PDZD4: variants seen among roughly 807,000 people sequenced by gnomAD.
PDZD4 encodes PDZ domain-containing protein 4.
Under a neutral mutation model 38.5 loss-of-function variants are expected in PDZD4, and 9 were observed. The observed-to-expected ratio is 0.23, with a 90% CI of 0.14 to 0.41. The LOEUF (loss-of-function observed/expected upper bound fraction) is 0.41, where lower values mean the gene tolerates loss of function less well. Among genes scored for constraint, PDZD4 ranks in the 10% least tolerant of loss-of-function variants. The pLI is 1.00. For synonymous variants in PDZD4, 349 were observed against 315.7 expected, an observed-to-expected ratio of 1.11 and a Z score of -1.12; for missense variants, 612 against 722.0, an observed-to-expected ratio of 0.85 and a Z score of 1.75.
At chrX:153,806,000 C>T (rs970582576) in intron 5 of PDZD4, 71 bp downstream of exon 5, 3 of 1,110,818 alleles carry the variant, frequency 2.7e-6, no homozygotes, top group African/African-American at 3.6e-5. Flanking sequence ...TAGGGACTGG[C>T]TAAAGAGAGG....
At chrX:153,826,642 G>C (rs113986307) in intron 1 of PDZD4, among the ~76,000 whole-genome samples, 1,121 of 111,277 alleles carry the variant, frequency 0.01, 18 homozygotes, top group African/African-American at 0.035. Context: ...GAACTCCTAA[G>C]CACAGGTGAG....
chrX:153,829,544 A>T, intron 1 of PDZD4: 1 of 178,510 alleles, frequency 5.6e-6, no homozygotes, highest in Non-Finnish European at 8.9e-6. Flanking sequence ...GAACGCACTC[A>T]CGTAGTCACG....
chrX:153,819,853 G>A (rs782016394), intron 1 of PDZD4, among the ~76,000 whole-genome samples: 11 of 111,830 alleles, frequency 9.8e-5, no homozygotes, highest in Non-Finnish European at 1.9e-4. Flanking sequence ...CCACAAGCAT[G>A]TGGGAACATC....
At chrX:153,806,437 C>T (rs1206772721) in intron 4 of PDZD4, among the ~76,000 whole-genome samples, 3 of 112,575 alleles carry the variant, frequency 2.7e-5, no homozygotes, top group Non-Finnish European at 3.8e-5. Flanking sequence ...GGGAGGGGAG[C>T]GAGGGGCCAT....
intron 1 of PDZD4, among the ~76,000 whole-genome samples, chrX:153,824,210 G>A (rs1253380284): frequency 9.0e-6 from 1 of 111,504 alleles, no homozygotes; most frequent in African/African-American, 3.3e-5. Flanking sequence ...AGACTGGACA[G>A]TCCTCAGGAA....
At position 153,830,392 on chromosome X, in the gene PDZD4, G is replaced by A. The variant is rs782732938; in HGVS notation, c.-94C>T. On this transcript the variant is annotated 5_prime_UTR_variant, in exon 1 of 8. Coordinates refer to ENST00000393758, the MANE Select transcript of PDZD4 (RefSeq NM_001303512.2). ...ACCTCGGGTCCCGGGCCGGGGCCAG[G>A]GGCCATACCCTGGCGCGGGGGGCGG... 62 of 840,647 alleles carry A rather than the reference G, an allele frequency of 7.4e-5. No homozygotes were observed. The Admixed American group carries it at 1.5e-3, about 21-fold the overall frequency. The allele number at this position is 840,647 out of a possible 1,213,427, so 69.3% of individuals were successfully genotyped here.
chrX:153,811,866 AGGGACATGAT>A (rs2064313231), intron 1 of PDZD4, among the ~76,000 whole-genome samples: 1 of 112,076 alleles, frequency 8.9e-6, no homozygotes, highest in African/African-American at 3.2e-5. Context: ...CTGTAGACAA[AGGGACATGAT>A]GGAATGGCCT....
chrX:153,807,591 G>A (rs929526661), intron 2 of PDZD4, among the ~76,000 whole-genome samples: 6 of 113,055 alleles, frequency 5.3e-5, no homozygotes, highest in African/African-American at 9.6e-5. Flanking sequence ...CAGCGTCCAC[G>A]CAGAGGACCT....
Position 153,803,939 on chromosome X carries a change from C to T in PDZD4, c.1742G>A (p.Gly581Asp), listed in dbSNP as rs782497016. Residue 581 changes from glycine to aspartate, a missense_variant, in exon 8 of 8, where the codon GGC (glycine) becomes GAC (aspartate). Around this residue, in one of 3 missense-constraint regions of PDZD4, gnomAD observed 300 missense variants for 284.6 expected, o/e 1.05. Transcript: ENST00000393758. ...GCTGTGGTAGTGCTCGCCCTCCTGG[C>T]CCTGGCCGCGGTGGCGCCGCGAGAG... ...PYLSRRHRGQ[G>D]QEGEHYHSCV... 5.1e-6 allele frequency: 6 copies of T among 1,167,879 alleles called. No homozygotes were observed. Among genetic ancestry groups the T allele is most frequent in the Non-Finnish European group, 5.7e-6 (5 of 875,109 alleles).
rs2064530304 is a variant in PDZD4, at chrX:153,830,366, G to A, written c.-68C>T. On this transcript the variant is annotated 5_prime_UTR_variant, in exon 1 of 8. Transcript: ENST00000393758. Reference sequence around the variant, plus strand: ...ACGCCTTTCACTGACCCGGGCGCGGGACCTCGGGTCCCGGGCCGGGGCCAG... The same window carrying A: ...ACGCCTTTCACTGACCCGGGCGCGGAACCTCGGGTCCCGGGCCGGGGCCAG... 2.8e-6 allele frequency: 3 copies of A among 1,069,492 alleles called. No individual in the cohort carries two copies. In the Admixed American group the frequency reaches 6.9e-5, roughly 24 times the overall value. 88.1% of individuals were successfully genotyped at this position (1,069,492 alleles called of 1,213,427 possible).
chrX:153,817,991 G>C (rs1470158070), intron 1 of PDZD4, among the ~76,000 whole-genome samples: 1 of 112,384 alleles, frequency 8.9e-6, no homozygotes, highest in Non-Finnish European at 1.9e-5. Flanking sequence ...CAAGCCTGTA[G>C]TCCCAGCACT....
intron 1 of PDZD4, chrX:153,829,890 C>A: frequency 1.2e-6 from 1 of 809,406 alleles, no homozygotes; most frequent in Non-Finnish European, 1.5e-6. Context: ...TTCGGCGCCC[C>A]CCGCACGGCG....
At chrX:153,828,396 A>G (rs1236722580) in intron 1 of PDZD4, among the ~76,000 whole-genome samples, 1 of 112,958 alleles carries the variant, frequency 8.9e-6, no homozygotes, top group Non-Finnish European at 1.9e-5. Flanking sequence ...CCAAACTCCC[A>G]CGGTTTCAAA....
chrX:153,821,286 A>G (rs1756059564), intron 1 of PDZD4, among the ~76,000 whole-genome samples: 1 of 110,447 alleles, frequency 9.1e-6, no homozygotes, highest in South Asian at 3.9e-4. Flanking sequence ...AGACATGTAT[A>G]CCGGTAGGGG....
intron 5 of PDZD4, 141 bp from the exon 6 acceptor site, chrX:153,805,747 A>G: frequency 1.9e-6 from 1 of 514,618 alleles, no homozygotes; most frequent in Non-Finnish European, 3.4e-6. Flanking sequence ...AACTAAGTGG[A>G]AGGTACCAGG....
chrX:153,826,085 T>C (rs938968802), intron 1 of PDZD4, among the ~76,000 whole-genome samples: 3 of 109,232 alleles, frequency 2.7e-5, no homozygotes, highest in Non-Finnish European at 5.7e-5. Flanking sequence ...GGTGTGGTAG[T>C]GTGTGCCTGT....
At chrX:153,807,590 C>T (rs1372782575) in intron 2 of PDZD4, among the ~76,000 whole-genome samples, 4 of 113,319 alleles carry the variant, frequency 3.5e-5, no homozygotes, top group South Asian at 7.1e-4. Context: ...GCAGCGTCCA[C>T]GCAGAGGACC....
chrX:153,825,043 G>A (rs1557082236), intron 1 of PDZD4, among the ~76,000 whole-genome samples: 1 of 112,571 alleles, frequency 8.9e-6, no homozygotes, highest in East Asian at 2.8e-4. Context: ...TGGGGGAGGG[G>A]CAAGGCCCTG....
chrX:153,824,287 G>C (rs2064457366), intron 1 of PDZD4, among the ~76,000 whole-genome samples: 1 of 110,994 alleles, frequency 9.0e-6, no homozygotes, highest in Non-Finnish European at 1.9e-5. Context: ...GGATGACCTG[G>C]TCCAGAAGAT....
Sources: gnomAD v4.1 joint callset for allele counts (sites outside exome capture counted in the v4.1 genomes callset) on GRCh38, gnomAD v4.1.1 for gene constraint, gnomAD v4.1.1 regional missense constraint, MANE v1.5 for transcripts, NCBI Gene and HGNC (gene_info 2026-07-23, HGNC 2026-07-21) for gene names.